Variants in FAM110B observed in about 807,000 individuals in gnomAD.
FAM110B encodes protein FAM110B.
Under a neutral mutation model 20.4 loss-of-function variants are expected in FAM110B, and 6 were observed. The ratio of observed to expected loss-of-function variants is 0.29; its 90% CI spans 0.16 to 0.58. The LOEUF is 0.58. Among genes scored for constraint, FAM110B ranks in the 20% least tolerant of loss-of-function variants. The pLI, the probability that FAM110B is intolerant of heterozygous loss-of-function variation, is 0.90. For synonymous variants in FAM110B, 226 were observed against 214.1 expected, an observed-to-expected ratio of 1.06 and a Z score of -0.49; for missense variants, 434 against 498.2, an observed-to-expected ratio of 0.87 and a Z score of 1.23.
At chr8:58,078,546 C>T (rs1585866630) in intron 3 of FAM110B, among the ~76,000 whole-genome samples, 2 of 134,160 alleles carry the variant, frequency 1.5e-5, no homozygotes, top group Non-Finnish European at 1.6e-5. Context: ...CAGATTTTTG[C>T]CTTTTTTTTT....
intron 3 of FAM110B, among the ~76,000 whole-genome samples, chr8:58,088,193 A>T (rs559991195): frequency 1.3e-5 from 2 of 152,374 alleles, no homozygotes; most frequent in African/African-American, 4.8e-5. Flanking sequence ...TGCTAGGATT[A>T]TAAATATTCT....
intron 3 of FAM110B, among the ~76,000 whole-genome samples, chr8:58,092,017 A>G (rs891396074): frequency 2.6e-5 from 4 of 152,246 alleles, no homozygotes; most frequent in African/African-American, 9.6e-5. Context: ...GGAAAGGATT[A>G]CATTTAATAT....
At chr8:58,121,272 A>G (rs1162628486) in intron 3 of FAM110B, among the ~76,000 whole-genome samples, 1 of 152,160 alleles carries the variant, frequency 6.6e-6, no homozygotes, top group Admixed American at 6.5e-5. Context: ...GGTCTCACTG[A>G]TAGAACAACA....
intron 3 of FAM110B, among the ~76,000 whole-genome samples, chr8:58,130,058 A>T (rs1487272470): frequency 6.6e-6 from 1 of 152,180 alleles, no homozygotes; most frequent in Non-Finnish European, 1.5e-5. Flanking sequence ...GGAACTTGAC[A>T]TTCACCTGCC....
At chr8:58,014,740 G>A (rs182034790) in intron 1 of FAM110B, among the ~76,000 whole-genome samples, 3 of 151,618 alleles carry the variant, frequency 2.0e-5, no homozygotes, top group African/African-American at 7.3e-5. Flanking sequence ...TATTTAAAAT[G>A]CAAGTTCAAT....
rs1472356436 is a variant in FAM110B, at chr8:58,078,782, C to G, written c.-325+3159C>G. Among the ~76,000 whole-genome samples the G allele has an allele frequency of 1.3e-5, 2 of 151,674 alleles. 1 individual carries two copies. The highest frequency in any genetic ancestry group is 2.9e-5 in the Non-Finnish European group (2 of 67,940). ...AGCCAGGATGGTCTGGATCTCCTGA[C>G]CTCGTGATCCGCCCGCCTCAGCCTC... On this transcript the variant is annotated intron_variant, in intron 3 of 3. Coordinates refer to ENST00000519262, the MANE Select transcript of FAM110B (RefSeq NM_001377989.1).
chr8:58,105,714 A>C (rs1481107078), intron 3 of FAM110B, among the ~76,000 whole-genome samples: 2 of 151,324 alleles, frequency 1.3e-5, no homozygotes, highest in Non-Finnish European at 2.9e-5. Flanking sequence ...GACTACAGGC[A>C]CCCACCACCA....
chr8:58,081,998 C>G (rs1806204703), intron 3 of FAM110B, among the ~76,000 whole-genome samples: 1 of 152,116 alleles, frequency 6.6e-6, no homozygotes, highest in African/African-American at 2.4e-5. Context: ...TTGCCTTCAT[C>G]AAAGAACCTA....
At chr8:58,026,453 T>G (rs1402100035) in intron 1 of FAM110B, among the ~76,000 whole-genome samples, 4 of 152,098 alleles carry the variant, frequency 2.6e-5, no homozygotes, top group Admixed American at 2.6e-4. Flanking sequence ...CACTTGATAT[T>G]AGTACTATGA....
intron 1 of FAM110B, among the ~76,000 whole-genome samples, chr8:58,006,808 T>TA (rs1804412565): frequency 6.6e-6 from 1 of 150,484 alleles, no homozygotes; most frequent in Non-Finnish European, 1.5e-5. Flanking sequence ...TCTGCATCTC[T>TA]ACGTTTTGAA....
chr8:58,072,176 G>A (rs982786040), intron 2 of FAM110B, among the ~76,000 whole-genome samples: 3 of 152,148 alleles, frequency 2.0e-5, no homozygotes, highest in Admixed American at 6.5e-5. Flanking sequence ...AATTGCCTTA[G>A]TCTTAAATAA....
At chr8:58,093,625 G>C (rs1434293868) in intron 3 of FAM110B, among the ~76,000 whole-genome samples, 2 of 152,158 alleles carry the variant, frequency 1.3e-5, no homozygotes, top group Non-Finnish European at 2.9e-5. Context: ...TTTGATGCCA[G>C]TACCATGCTG....
intron 3 of FAM110B, among the ~76,000 whole-genome samples, chr8:58,094,189 T>G (rs1239503840): frequency 6.6e-6 from 1 of 152,232 alleles, no homozygotes; most frequent in Non-Finnish European, 1.5e-5. Context: ...TCATGTCATC[T>G]GCAAACAGAG....
At chr8:58,091,643 A>G (rs947292655) in intron 3 of FAM110B, 6 of 152,204 alleles carry the variant, frequency 3.9e-5, no homozygotes, top group Admixed American at 6.5e-5. Flanking sequence ...GAGAAAAAAA[A>G]ATAAGCATAG....
chr8:58,067,607 G>A (rs935263142), intron 2 of FAM110B, among the ~76,000 whole-genome samples: 2 of 152,216 alleles, frequency 1.3e-5, no homozygotes, highest in Non-Finnish European at 2.9e-5. Flanking sequence ...TGAGCATCCT[G>A]TGCTGAGCTG....
At chr8:58,012,835 A>T (rs1297577004) in intron 1 of FAM110B, among the ~76,000 whole-genome samples, 1 of 152,124 alleles carries the variant, frequency 6.6e-6, no homozygotes, top group East Asian at 1.9e-4. Context: ...TGGATGAGGG[A>T]CAGGGTCTAA....
chr8:58,124,081 A>G, intron 3 of FAM110B, among the ~76,000 whole-genome samples: 1 of 152,174 alleles, frequency 6.6e-6, no homozygotes, highest in South Asian at 2.1e-4. Context: ...TTATTTAATA[A>G]AAGTGTCAAC....
rs563020575 is a variant in FAM110B, at chr8:58,071,009, C to G, written c.-413-4526C>G. Among the ~76,000 whole-genome samples the G allele has an allele frequency of 1.4e-3, 208 of 152,264 alleles. 2 individuals are homozygous for G. Among genetic ancestry groups the G allele is most frequent in the African/African-American group, 4.8e-3 (200 of 41,552 alleles). On this transcript the variant is annotated intron_variant, in intron 2 of 3. Coordinates refer to ENST00000519262, the MANE Select transcript of FAM110B (RefSeq NM_001377989.1). ...CTGTGCTTGAAAGAGAAATTTTCGT[C>G]TCATGGCTTTGTTTAGCAGGGACAT...
chr8:58,012,050 C>T (rs1286600734), intron 1 of FAM110B, among the ~76,000 whole-genome samples: 1 of 152,148 alleles, frequency 6.6e-6, no homozygotes, highest in Admixed American at 6.5e-5. Context: ...GCCTAGTGTA[C>T]TCTGCACTTT....
Sources: gnomAD v4.1 joint callset for allele counts (sites outside exome capture counted in the v4.1 genomes callset) on GRCh38, gnomAD v4.1.1 for gene constraint, MANE v1.5 for transcripts, NCBI Gene and HGNC (gene_info 2026-07-23, HGNC 2026-07-21) for gene names.